The following TYW1 variants were observed in gnomAD, a reference collection of about 807,000 sequenced individuals.
TYW1 encodes tRNA-yW synthesizing protein 1 homolog, also known as S-adenosyl-L-methionine-dependent tRNA 4-demethylwyosine synthase TYW1.
Under a neutral mutation model 96.2 loss-of-function variants are expected in TYW1, and 46 were observed. The observed-to-expected ratio is 0.48, with a 90% CI of 0.38 to 0.61. The LOEUF (loss-of-function observed/expected upper bound fraction) is 0.61. Ranked by LOEUF, TYW1 falls within the 20% of genes least tolerant of loss-of-function variation. TYW1 has a pLI of 0.00. For missense variants in TYW1, 684 were observed against 909.6 expected (o/e 0.75, Z 3.19); for synonymous variants, 274 against 323.0 (o/e 0.85, Z 1.63).
chr7:67,049,920 G>T, intron 7 of TYW1, 29 bp from the exon 8 acceptor site: 4 of 1,612,844 alleles, frequency 2.5e-6, no homozygotes, highest in Non-Finnish European at 3.4e-6. Context: ...TACCAATTCT[G>T]GATTTCATTC....
At position 67,025,004 on chromosome 7, in the gene TYW1, T is replaced by C; in HGVS notation, c.966T>C (p.Asp322=). The C allele has an allele frequency of 6.2e-7, 1 of 1,613,794 alleles. No homozygotes were observed. Among genetic ancestry groups the C allele is most frequent in the African/African-American group, 1.3e-5 (1 of 75,026 alleles). The part of the protein sequence containing the change: ...VDVEDLGKIM[D]HVKKEKREKE... Reference sequence around the variant, plus strand: ...TTGAAGATTTGGGCAAAATTATGGATCATGTGAAGAAAGAAAAGGTACCGT... The same window carrying C: ...TTGAAGATTTGGGCAAAATTATGGACCATGTGAAGAAAGAAAAGGTACCGT... Residue 322 remains aspartate, a synonymous_variant, in exon 7 of 16, where the codon GAT becomes GAC. Coordinates refer to ENST00000359626, the MANE Select transcript of TYW1 (RefSeq NM_018264.4).
At chr7:67,233,954 C>T (rs2421385) in intron 15 of TYW1, among the ~76,000 whole-genome samples, 9 of 135,310 alleles carry the variant, frequency 6.7e-5, no homozygotes, top group South Asian at 2.5e-4. Context: ...TAACTCCCAG[C>T]GTGGCTATAT....
At chr7:67,204,511 T>C (rs964993875) in intron 15 of TYW1, among the ~76,000 whole-genome samples, 4 of 145,922 alleles carry the variant, frequency 2.7e-5, no homozygotes, top group African/African-American at 1.1e-4. Context: ...TCTCTTTTTT[T>C]ATTTTCCTTC....
intron 14 of TYW1, among the ~76,000 whole-genome samples, chr7:67,188,552 G>C (rs1236116730): frequency 1.3e-5 from 2 of 152,082 alleles, no homozygotes; most frequent in African/African-American, 2.4e-5. Flanking sequence ...AGTACTCCAT[G>C]GTCCTAGTAG....
intron 13 of TYW1, among the ~76,000 whole-genome samples, chr7:67,154,532 A>G (rs1206085154): frequency 6.6e-6 from 1 of 151,228 alleles, no homozygotes; most frequent in Non-Finnish European, 1.5e-5. Context: ...CTCCTGTTCT[A>G]TAAGGGTTCT....
intron 15 of TYW1, among the ~76,000 whole-genome samples, chr7:67,202,636 GCCCT>G (rs1647004818): frequency 6.6e-6 from 1 of 152,032 alleles, no homozygotes; most frequent in South Asian, 2.1e-4. Context: ...GGCTCGAGCA[GCCCT>G]CCCACCTCAG....
intron 15 of TYW1, among the ~76,000 whole-genome samples, chr7:67,216,617 G>C (rs1440518441): frequency 2.1e-5 from 3 of 143,190 alleles, no homozygotes; most frequent in Non-Finnish European, 4.6e-5. Context: ...TACTTTCTCT[G>C]AAATGACTCT....
At position 67,033,807 on chromosome 7, in the gene TYW1, G is replaced by A. The variant is rs140484269; in HGVS notation, c.984+8785G>A. Among the ~76,000 whole-genome samples, 648 of 150,924 alleles carry A rather than the reference G, an allele frequency of 4.3e-3. 3 individuals are homozygous for A. Among genetic ancestry groups the A allele is most frequent in the African/African-American group, 0.015 (617 of 41,158 alleles). The stretch of plus-strand genomic sequence containing the variant: ...GCCTCTGGGATTCAAGCAATTCTCT[G>A]CCTCAGCCTCCCGAGTAGCTGGGAT... On this transcript the variant is annotated intron_variant, in intron 7 of 15. Transcript: ENST00000359626.
intron 11 of TYW1, among the ~76,000 whole-genome samples, chr7:67,097,304 C>T (rs528508929): frequency 5.9e-5 from 9 of 152,340 alleles, no homozygotes; most frequent in South Asian, 2.1e-4. Flanking sequence ...CTTGGCTATA[C>T]GTAACAACCA....
intron 13 of TYW1, among the ~76,000 whole-genome samples, chr7:67,122,935 C>A (rs2116008740): frequency 6.6e-6 from 1 of 152,286 alleles, no homozygotes; most frequent in East Asian, 1.9e-4. Context: ...TGACATGTTA[C>A]ATTTAATTGG....
chr7:67,169,652 G>A (rs1336375749), intron 13 of TYW1, among the ~76,000 whole-genome samples: 1 of 152,198 alleles, frequency 6.6e-6, no homozygotes, highest in Non-Finnish European at 1.5e-5. Flanking sequence ...ACCTGCCTTG[G>A]CCTCCCAAAG....
At chr7:67,204,451 C>G (rs750944218) in intron 15 of TYW1, among the ~76,000 whole-genome samples, 53 of 151,920 alleles carry the variant, frequency 3.5e-4, no homozygotes, top group South Asian at 8.3e-4. Context: ...TTCTATTTAA[C>G]TATTTCTCCT....
intron 7 of TYW1, among the ~76,000 whole-genome samples, chr7:67,026,894 A>T (rs1057075079): frequency 1.3e-5 from 2 of 152,076 alleles, no homozygotes; most frequent in African/African-American, 4.8e-5. Flanking sequence ...TTTAAAAGGG[A>T]CTCTAAAAAT....
intron 15 of TYW1, among the ~76,000 whole-genome samples, chr7:67,228,430 C>G (rs530107648): frequency 6.6e-6 from 1 of 152,308 alleles, no homozygotes; most frequent in South Asian, 2.1e-4. Flanking sequence ...TACCTCCTAC[C>G]TGGTCCCTCC....
chr7:67,224,449 C>T (rs1801492447), intron 15 of TYW1, among the ~76,000 whole-genome samples: 1 of 152,170 alleles, frequency 6.6e-6, no homozygotes, highest in African/African-American at 2.4e-5. Flanking sequence ...GATGTGTCCT[C>T]GTACATACCA....
chr7:67,024,962 A>G lies in TYW1; in HGVS notation c.924A>G (p.Leu308=), dbSNP rs769073296. Residue 308 remains leucine (L), a synonymous_variant, in exon 7 of 16, where the codon CTA becomes CTG. Coordinates refer to ENST00000359626, the MANE Select transcript of TYW1 (RefSeq NM_018264.4). ...TTGGTGGTGAGGACCATCAGAGCCT[A>G]AATTCCATTGTTGATGTTGAAGATT... is the stretch of plus-strand genomic sequence containing the variant. ...EEFGGEDHQS[L]NSIVDVEDLG... 2 of 1,613,902 alleles carry G rather than the reference A, an allele frequency of 1.2e-6. No homozygotes were observed. The highest frequency in any genetic ancestry group is 1.7e-6 in the Non-Finnish European group (2 of 1,179,832).
chr7:67,009,517 A>G lies in TYW1; in HGVS notation c.274-66A>G, dbSNP rs377274233. ...AGGAATGCCACATTCTTGTGCCAAC[A>G]GGGGTAATGAGGGTTATATTTGGCT... On this transcript the variant is annotated intron_variant, in intron 3 of 15. Transcript: ENST00000359626. 4.3e-6 allele frequency: 6 copies of G among 1,392,084 alleles called. No homozygotes were observed. In the African/African-American group the frequency reaches 5.8e-5, roughly 13 times the overall value. The allele number at this position is 1,392,084 out of a possible 1,614,324, so 86.2% of individuals were successfully genotyped here.
chr7:67,057,186 TC>T (rs993813383), intron 9 of TYW1, among the ~76,000 whole-genome samples: 58 of 151,954 alleles, frequency 3.8e-4, no homozygotes, highest in African/African-American at 1.4e-3. Context: ...AGCTAATTTT[TC>T]TATTTTTAGT....
intron 13 of TYW1, among the ~76,000 whole-genome samples, chr7:67,168,119 G>A (rs1352308077): frequency 8.1e-6 from 1 of 124,184 alleles, no homozygotes; most frequent in African/African-American, 3.2e-5. Flanking sequence ...AGCTTTATGT[G>A]ACTATTATCA....
Sources: allele counts gnomAD v4.1 joint callset (sites outside exome capture counted in the v4.1 genomes callset), GRCh38; gene constraint gnomAD v4.1.1; transcripts MANE v1.5; gene names NCBI Gene and HGNC (gene_info 2026-07-23, HGNC 2026-07-21).